Variants in ZNF439 observed in about 807,000 individuals in gnomAD.
ZNF439 encodes zinc finger protein 439.
In ZNF439, 40 loss-of-function variants were observed where a neutral mutation model predicts 47.3. The observed-to-expected ratio is 0.85, with a 90% CI of 0.66 to 1.10. The LOEUF (loss-of-function observed/expected upper bound fraction) is 1.10. Ranked by LOEUF, ZNF439 falls within the 50% of genes least tolerant of loss-of-function variation. The pLI, the probability that ZNF439 is intolerant of heterozygous loss-of-function variation, is 0.00. For synonymous variants in ZNF439, 171 were observed against 198.8 expected, an observed-to-expected ratio of 0.86 and a Z score of 1.18; for missense variants, 556 against 601.1, an observed-to-expected ratio of 0.93 and a Z score of 0.78.
chr19:11,866,339 T>C lies in ZNF439; in HGVS notation c.190+8T>C. On this transcript the variant is annotated splice_region_variant and intron_variant, in intron 2 of 3. Coordinates refer to ENST00000682736, the MANE Select transcript of ZNF439 (RefSeq NM_001348719.2). ...GGAACCTGACCTCTATAGGTAAGGATGACAATATTCCTTCCCTCAGTGCAT... is the reference window on the plus strand; with the variant it reads ...GGAACCTGACCTCTATAGGTAAGGACGACAATATTCCTTCCCTCAGTGCAT... 1 of 1,614,102 alleles carries C rather than the reference T, an allele frequency of 6.2e-7. No homozygotes were observed. Among genetic ancestry groups the C allele is most frequent in the East Asian group, 2.2e-5 (1 of 44,888 alleles).
chr19:11,852,974 G>A (rs1008702374), intron 1 of ZNF439, among the ~76,000 whole-genome samples: 3 of 152,000 alleles, frequency 2.0e-5, no homozygotes, highest in African/African-American at 7.3e-5. Flanking sequence ...TTGTTGCCCA[G>A]GGTGGTGTGC....
chr19:11,852,981 G>T (rs1224846429), intron 1 of ZNF439, among the ~76,000 whole-genome samples: 5 of 152,060 alleles, frequency 3.3e-5, no homozygotes, highest in South Asian at 2.1e-4. Flanking sequence ...CCAGGGTGGT[G>T]TGCAGTGGTG....
rs1372063708 is a variant in ZNF439 at position 11,866,702 on chromosome 19, C to A, written c.251+105C>A. 1.4e-5 allele frequency: 16 copies of A among 1,184,400 alleles called. No individual in the cohort carries two copies. In the East Asian group the frequency reaches 3.6e-4, roughly 26 times the overall value. 73.4% of individuals were successfully genotyped at this position (1,184,400 alleles called of 1,614,324 possible). ...AAAGAACTAAGTCCAGGATCAAGTT[C>A]ATTTATTCATACAATATTTTATCTA... On this transcript the variant is annotated intron_variant, in intron 3 of 3. Coordinates refer to ENST00000682736, the MANE Select transcript of ZNF439 (RefSeq NM_001348719.2).
chr19:11,859,047 T>C lies in ZNF439; in HGVS notation c.64-7158T>C, dbSNP rs111372566. ...TACATCCTGAGAAGCTCTGAGAAAA[T>C]TTCCCAACTCTTCTGTATACTTCAC... is the stretch of plus-strand genomic sequence containing the variant. On this transcript the variant is annotated intron_variant, in intron 1 of 3. Transcript: ENST00000682736. Among the ~76,000 whole-genome samples the C allele has an allele frequency of 7.2e-3, 1,102 of 152,258 alleles. 12 individuals carry two copies. The highest frequency in any genetic ancestry group is 0.025 in the African/African-American group (1,054 of 41,538).
At chr19:11,866,023 T>TAAA (rs111347788) in intron 1 of ZNF439, 182 bp from the exon 2 acceptor site, 22 of 1,193,948 alleles carry the variant, frequency 1.8e-5, no homozygotes, top group Non-Finnish European at 2.3e-5. Flanking sequence ...CTCAAAAAAA[T>TAAA]AAAAAAAAAA....
rs1976725476 is a variant in ZNF439 at position 11,867,572 on chromosome 19, GATA to G, written c.519_521del (p.Arg173_Tyr174delinsSer). 6 of 1,614,002 alleles carry G rather than the reference GATA, an allele frequency of 3.7e-6. No homozygotes were observed. The African/African-American group carries it at 6.7e-5, about 18-fold the overall frequency. On this transcript the variant is annotated inframe_deletion, in exon 4 of 4. Coordinates refer to ENST00000682736, the MANE Select transcript of ZNF439 (RefSeq NM_001348719.2). The stretch of plus-strand genomic sequence containing the variant: ...AGTCAACAACCTAAAAAAGCCTTCA[GATA>G]TCACCCCTCCTTGAGAACACAAGAA...
chr19:11,851,839 G>A (rs1168552660), intron 1 of ZNF439, among the ~76,000 whole-genome samples: 1 of 151,822 alleles, frequency 6.6e-6, no homozygotes, highest in Non-Finnish European at 1.5e-5. Flanking sequence ...ATGGAGGTGG[G>A]GTCTCGATAC....
chr19:11,853,172 C>T (rs796945262), intron 1 of ZNF439, among the ~76,000 whole-genome samples: 51 of 151,634 alleles, frequency 3.4e-4, no homozygotes, highest in African/African-American at 1.2e-3. Context: ...TCGTGATCCA[C>T]CTGCCTTGGA....
intron 1 of ZNF439, among the ~76,000 whole-genome samples, chr19:11,852,050 C>T (rs578003645): frequency 3.9e-5 from 6 of 152,304 alleles, no homozygotes; most frequent in South Asian, 4.1e-4. Context: ...GTGAATTCAA[C>T]ATTCCAACTG....
chr19:11,855,033 G>A (rs1976348592), intron 1 of ZNF439, among the ~76,000 whole-genome samples: 1 of 152,156 alleles, frequency 6.6e-6, no homozygotes, highest in South Asian at 2.1e-4. Flanking sequence ...CTTCCATAAC[G>A]TCTTTTGGAT....
intron 1 of ZNF439, among the ~76,000 whole-genome samples, chr19:11,854,418 G>C (rs1335691655): frequency 6.6e-6 from 1 of 152,172 alleles, no homozygotes; most frequent in East Asian, 1.9e-4. Flanking sequence ...CAGATTAATG[G>C]GAATCCATAG....
chr19:11,848,825 C>G lies in ZNF439; in HGVS notation c.-43C>G, dbSNP rs1286663370. The stretch of plus-strand genomic sequence containing the variant: ...TGGCCTTTCCAGCCCCGAGAGGGAC[C>G]TAGTGCCTCTACCCAGATTTCTGTC... On this transcript the variant is annotated 5_prime_UTR_variant, in exon 1 of 4. Coordinates refer to ENST00000682736, the MANE Select transcript of ZNF439 (RefSeq NM_001348719.2). 4.6e-6 allele frequency: 7 copies of G among 1,513,046 alleles called. No homozygotes were observed. The highest frequency in any genetic ancestry group is 6.3e-6 in the Non-Finnish European group (7 of 1,118,506). 93.7% of individuals were successfully genotyped at this position (1,513,046 alleles called of 1,614,324 possible). A position where few individuals can be genotyped will look rare whatever the true frequency, so the allele number is the denominator to read the frequency against.
intron 1 of ZNF439, chr19:11,850,909 T>C (rs1306775736): frequency 2.6e-5 from 4 of 152,138 alleles, no homozygotes; most frequent in Non-Finnish European, 5.9e-5. Context: ...CCTGTGCCTG[T>C]AGTCTCAGTT....
chr19:11,863,152 C>CTT (rs34655587), intron 1 of ZNF439, among the ~76,000 whole-genome samples: 1,517 of 90,044 alleles, frequency 0.017, 79 homozygotes, highest in African/African-American at 0.023. Context: ...AAAGATTTTG[C>CTT]TTTTTTTTTT....
intron 1 of ZNF439, among the ~76,000 whole-genome samples, chr19:11,854,897 AAC>A (rs1340479767): frequency 5.3e-5 from 8 of 152,246 alleles, no homozygotes; most frequent in African/African-American, 1.9e-4. Flanking sequence ...AAGGATTAAA[AAC>A]ACAAACCGTA....
rs756087082 is a variant in ZNF439, at chr19:11,868,389, T to A, written c.1335T>A (p.Cys445Ter). 3 of 1,613,008 alleles carry A rather than the reference T, an allele frequency of 1.9e-6. No homozygotes were observed. The highest frequency in any genetic ancestry group is 2.5e-6 in the Non-Finnish European group (3 of 1,179,720). The stretch of plus-strand genomic sequence containing the variant: ...ACACTGGAGAGAAACCGTATCAATG[T>A]AAGGAATGTGGGAAAGCTTTCAGAT... The part of the protein sequence containing the change: ...RTHTGEKPYQ[C>*]KECGKAFRSA... The change falls in exon 4 of 4, where the codon TGT becomes TGA. Residue 445 changes from cysteine to a stop codon, truncating the protein, a stop_gained. Coordinates refer to ENST00000682736, the MANE Select transcript of ZNF439 (RefSeq NM_001348719.2). LOFTEE classifies it high-confidence loss of function.
intron 1 of ZNF439, among the ~76,000 whole-genome samples, chr19:11,858,588 A>G (rs1346144177): frequency 6.6e-6 from 1 of 152,158 alleles, no homozygotes; most frequent in Non-Finnish European, 1.5e-5. Flanking sequence ...AATAGCTCTC[A>G]AATCATGCAG....
At chr19:11,865,078 C>T (rs901658861) in intron 1 of ZNF439, among the ~76,000 whole-genome samples, 2 of 152,146 alleles carry the variant, frequency 1.3e-5, no homozygotes, top group Non-Finnish European at 2.9e-5. Flanking sequence ...CCGCACCAGG[C>T]CAAGATGTTA....
chr19:11,861,188 A>G (rs1976530545), intron 1 of ZNF439, among the ~76,000 whole-genome samples: 1 of 152,214 alleles, frequency 6.6e-6, no homozygotes, highest in South Asian at 2.1e-4. Context: ...TTCACATGAG[A>G]GGAAAGCAGA....
Sources: allele counts gnomAD v4.1 joint callset (sites outside exome capture counted in the v4.1 genomes callset), GRCh38; gene constraint gnomAD v4.1.1; transcripts MANE v1.5; gene names NCBI Gene and HGNC (gene_info 2026-07-23, HGNC 2026-07-21).